Variants in SEMA3E observed in about 807,000 individuals in gnomAD.
SEMA3E encodes the protein semaphorin-3E.
In SEMA3E, 49 loss-of-function variants were observed where a neutral mutation model predicts 93.6. That is an observed-to-expected ratio of 0.52 (90% CI 0.42 to 0.66). SEMA3E has a LOEUF of 0.66. SEMA3E is among the 30% of genes least tolerant of loss of function. The probability of loss-of-function intolerance (pLI) is 0.00; values close to 1 mark genes in which losing one functional copy is unlikely to be tolerated. For synonymous variants in SEMA3E, 363 were observed against 330.7 expected, an observed-to-expected ratio of 1.10 and a Z score of -1.06; for missense variants, 906 against 964.8, an observed-to-expected ratio of 0.94 and a Z score of 0.81.
intron 5 of SEMA3E, among the ~76,000 whole-genome samples, chr7:83,409,954 T>C (rs1788406660): frequency 6.6e-6 from 1 of 151,688 alleles, no homozygotes; most frequent in South Asian, 2.1e-4. Context: ...GCATTAACTA[T>C]TAATATTTTA....
At chr7:83,414,158 T>C (rs1274913442) in intron 5 of SEMA3E, among the ~76,000 whole-genome samples, 1 of 152,128 alleles carries the variant, frequency 6.6e-6, no homozygotes, top group African/African-American at 2.4e-5. Flanking sequence ...TTCTATATAG[T>C]TGAGGTGAAT....
intron 4 of SEMA3E, among the ~76,000 whole-genome samples, chr7:83,460,624 T>TC (rs1562792034): frequency 0.018 from 459 of 25,836 alleles, 1 homozygote; most frequent in African/African-American, 0.029. Flanking sequence ...CTACCCCTTC[T>TC]CTGCTTTTCT....
At chr7:83,377,721 C>T (rs1199321001) in intron 16 of SEMA3E, among the ~76,000 whole-genome samples, 1 of 152,040 alleles carries the variant, frequency 6.6e-6, no homozygotes, top group African/African-American at 2.4e-5. Context: ...TTGAAGAAGC[C>T]ATGGTTTTCT....
At chr7:83,616,163 A>G (rs1264967296) in intron 1 of SEMA3E, among the ~76,000 whole-genome samples, 1 of 152,118 alleles carries the variant, frequency 6.6e-6, no homozygotes, top group Non-Finnish European at 1.5e-5. Flanking sequence ...GTGTGAGTCT[A>G]TTCTCTTAAC....
chr7:83,437,226 T>C (rs1477673075), intron 4 of SEMA3E, among the ~76,000 whole-genome samples: 1 of 152,128 alleles, frequency 6.6e-6, no homozygotes, highest in Non-Finnish European at 1.5e-5. Context: ...AACTGGATTG[T>C]CATCCAAAAA....
intron 4 of SEMA3E, among the ~76,000 whole-genome samples, chr7:83,457,082 C>G (rs1304525094): frequency 6.6e-6 from 1 of 152,080 alleles, no homozygotes; most frequent in Non-Finnish European, 1.5e-5. Context: ...TTGCACTAAC[C>G]TGATTTGCCT....
At position 83,648,424 on chromosome 7, in the gene SEMA3E, C is replaced by A; in HGVS notation, c.115+4G>T. ...AAACAAAAGGATCTGGAAAGGTAAC[C>A]TACCTTTATGTGACAGGCGTAACCG... On this transcript the variant is annotated splice_donor_region_variant and intron_variant, in intron 1 of 16. Transcript: ENST00000643230. The A allele has an allele frequency of 6.5e-7, 1 of 1,546,168 alleles. No homozygotes were observed. The highest frequency in any genetic ancestry group is 8.9e-7 in the Non-Finnish European group (1 of 1,121,644).
chr7:83,461,813 A>G (rs2466436), intron 4 of SEMA3E, among the ~76,000 whole-genome samples: 147,984 of 152,204 alleles, frequency 0.97, 72,089 homozygotes, highest in Middle Eastern at 1. Flanking sequence ...GAAAAAAGTT[A>G]CAATTCCTTG....
At chr7:83,443,965 G>C (rs1044691517) in intron 4 of SEMA3E, among the ~76,000 whole-genome samples, 1 of 151,248 alleles carries the variant, frequency 6.6e-6, no homozygotes, top group Non-Finnish European at 1.5e-5. Flanking sequence ...TTCAATGAAT[G>C]ATTTCAATGA....
intron 1 of SEMA3E, among the ~76,000 whole-genome samples, chr7:83,546,360 G>A (rs1791651183): frequency 7.6e-6 from 1 of 130,842 alleles, no homozygotes; most frequent in African/African-American, 3.2e-5. Context: ...GTGTGTGTGT[G>A]TGTGTTGAGA....
At chr7:83,444,519 AAT>A (rs1584252860) in intron 4 of SEMA3E, among the ~76,000 whole-genome samples, 1 of 152,312 alleles carries the variant, frequency 6.6e-6, no homozygotes, top group East Asian at 1.9e-4. Context: ...CAATTATGGG[AAT>A]ATGATTTTGG....
At chr7:83,644,751 C>A (rs1489136943) in intron 1 of SEMA3E, among the ~76,000 whole-genome samples, 3 of 151,954 alleles carry the variant, frequency 2.0e-5, no homozygotes, top group Non-Finnish European at 4.4e-5. Context: ...ATACCCAATA[C>A]AGATACACTA....
intron 10 of SEMA3E, 22 bp from the exon 11 acceptor site, chr7:83,400,272 T>C: frequency 6.2e-7 from 1 of 1,607,598 alleles, no homozygotes; most frequent in Non-Finnish European, 8.5e-7. Flanking sequence ...GTGGATCAGA[T>C]AATTCTTTTT....
rs542374814 is a variant in SEMA3E at position 83,597,672 on chromosome 7, G to T, written c.115+50756C>A. 6.6e-5 allele frequency among the ~76,000 whole-genome samples: 10 copies of T among 152,204 alleles called. 1 individual carries two copies. The highest frequency in any genetic ancestry group is 3.9e-4 in the Admixed American group (6 of 15,272). On this transcript the variant is annotated intron_variant, in intron 1 of 16. Transcript: ENST00000643230. ...CACTTTGTCCAAACATAGATTCAGCGTGTATAAATAATATAGCACAACTAT... is the reference window on the plus strand; with the variant it reads ...CACTTTGTCCAAACATAGATTCAGCTTGTATAAATAATATAGCACAACTAT...
chr7:83,457,587 T>A (rs965663926), intron 4 of SEMA3E, among the ~76,000 whole-genome samples: 5 of 152,200 alleles, frequency 3.3e-5, no homozygotes, highest in African/African-American at 1.2e-4. Flanking sequence ...AACACTTCCT[T>A]TTCTTTCCTA....
intron 16 of SEMA3E, among the ~76,000 whole-genome samples, chr7:83,370,898 C>G (rs903183406): frequency 6.6e-6 from 1 of 152,086 alleles, no homozygotes; most frequent in African/African-American, 2.4e-5. Context: ...TGTCAACATC[C>G]TGATTTAGAA....
intron 16 of SEMA3E, chr7:83,372,341 T>C: frequency 2.5e-6 from 1 of 397,928 alleles, no homozygotes. Flanking sequence ...TTTTGTTGTC[T>C]CTGTTATATC....
At chr7:83,532,269 A>T (rs1204625928) in intron 1 of SEMA3E, among the ~76,000 whole-genome samples, 1 of 152,194 alleles carries the variant, frequency 6.6e-6, no homozygotes, top group Non-Finnish European at 1.5e-5. Context: ...TGGAGAGATA[A>T]TTGGCAGATA....
rs189756266 is a variant in SEMA3E, at chr7:83,439,057, G to T, written c.457-20574C>A. ...ACAAAGATGCTTTTTATAAAACCAT[G>T]AATATCTACTTTTCATGGGAAGGAA... On this transcript the variant is annotated intron_variant, in intron 4 of 16. Coordinates refer to ENST00000643230, the MANE Select transcript of SEMA3E (RefSeq NM_012431.3). Among the ~76,000 whole-genome samples, 754 of 152,276 alleles carry T rather than the reference G, an allele frequency of 5.0e-3. 7 individuals carry two copies. Among genetic ancestry groups the T allele is most frequent in the African/African-American group, 0.017 (709 of 41,568 alleles).
Sources: allele counts gnomAD v4.1 joint callset (sites outside exome capture counted in the v4.1 genomes callset), GRCh38; gene constraint gnomAD v4.1.1; transcripts MANE v1.5; gene names NCBI Gene and HGNC (gene_info 2026-07-23, HGNC 2026-07-21).